POTEF: variants seen among roughly 807,000 people sequenced by gnomAD.
The protein encoded by POTEF is ANKRD26-like family C member 1B.
A neutral mutation model predicts 83.2 loss-of-function variants in POTEF; 20 were observed. The ratio of observed to expected loss-of-function variants is 0.24; its 90% CI spans 0.17 to 0.35. The LOEUF (loss-of-function observed/expected upper bound fraction) is 0.35, where lower values mean the gene tolerates loss of function less well. Ranked by LOEUF, POTEF falls within the 10% of genes least tolerant of loss-of-function variation. The probability of loss-of-function intolerance (pLI) is 1.00; values close to 1 mark genes in which losing one functional copy is unlikely to be tolerated. For synonymous variants in POTEF, 196 were observed against 446.4 expected, an observed-to-expected ratio of 0.44 and a Z score of 7.07; for missense variants, 550 against 1,203.2, an observed-to-expected ratio of 0.46 and a Z score of 8.03.
At chr2:130,095,158 G>T (rs1377871666) in intron 11 of POTEF, among the ~76,000 whole-genome samples, 1 of 85,930 alleles carries the variant, frequency 1.2e-5, no homozygotes, top group African/African-American at 4.5e-5. Context: ...CTCCATAGCA[G>T]CTGGGACTAC....
intron 5 of POTEF, among the ~76,000 whole-genome samples, chr2:130,114,458 T>C (rs1684789168): frequency 6.8e-6 from 1 of 146,004 alleles, no homozygotes; most frequent in South Asian, 2.3e-4. Flanking sequence ...TCACCTCGTA[T>C]CTATTACTGT....
chr2:130,101,659 C>T (rs1684377918), intron 9 of POTEF, among the ~76,000 whole-genome samples: 1 of 146,730 alleles, frequency 6.8e-6, no homozygotes, highest in African/African-American at 2.7e-5. Flanking sequence ...GCTCAGGGAC[C>T]ATCAGAGTTA....
chr2:130,104,471 T>C (rs1170137902), intron 8 of POTEF, among the ~76,000 whole-genome samples: 1 of 149,448 alleles, frequency 6.7e-6, no homozygotes. Context: ...TATTTATATA[T>C]TGCTTTGTTT....
chr2:130,113,332 A>AC (rs1375814306), intron 5 of POTEF, among the ~76,000 whole-genome samples: 1 of 92,864 alleles, frequency 1.1e-5, no homozygotes, highest in African/African-American at 3.7e-5. Flanking sequence ...ACAGAGTGAG[A>AC]CCCCATCTCA....
intron 5 of POTEF, among the ~76,000 whole-genome samples, chr2:130,113,374 G>T (rs1684762595): frequency 7.4e-6 from 1 of 134,292 alleles, no homozygotes; most frequent in Non-Finnish European, 1.6e-5. Flanking sequence ...AATGTTATTG[G>T]AAAGATTTAA....
At position 130,120,268 on chromosome 2, in the gene POTEF, G is replaced by A; in HGVS notation, c.248C>T (p.Ser83Phe). Residue 83 changes from serine to phenylalanine, a missense_variant, in exon 3 of 17, where the codon TCT becomes TTT. Physicochemically the swap from Ser to Phe is radical, Grantham distance 155. Transcript: ENST00000409914. The stretch of plus-strand genomic sequence containing the variant: ...CATAGCAGAGTCGTCGTGGTCTCCA[G>A]AAGCGCCCACGTTGCTCTTGCCACT... ...RGSGKSNVGA[S>F]GDHDDSAMKT... is the part of the protein sequence containing the mutation. The A allele has an allele frequency of 1.2e-6, 2 of 1,604,334 alleles. No individual in the cohort carries two copies. Among genetic ancestry groups the A allele is most frequent in the Non-Finnish European group, 1.7e-6 (2 of 1,177,134 alleles).
rs528277183 is a variant in POTEF, at chr2:130,107,225, C to T, written c.1126+784G>A. Among the ~76,000 whole-genome samples the T allele has an allele frequency of 1.7e-3, 247 of 148,730 alleles. 1 individual carries two copies. Among genetic ancestry groups the T allele is most frequent in the Non-Finnish European group, 3.1e-3 (209 of 67,690 alleles). On this transcript the variant is annotated intron_variant, in intron 8 of 16. Transcript: ENST00000409914. ...GCAAATGGTAGCAGAGCATCTTGTT[C>T]TAACAAAATTACTGTTATGATGACA... is the stretch of plus-strand genomic sequence containing the variant.
Position 130,120,136 on chromosome 2 carries a change from G to T in POTEF, c.380C>A (p.Ala127Asp), listed in dbSNP as rs1332080384. The T allele has an allele frequency of 1.2e-6, 2 of 1,609,488 alleles. No individual in the cohort carries two copies. The highest frequency in any genetic ancestry group is 8.5e-7 in the Non-Finnish European group (1 of 1,179,518). ...GACGTGGTACCTGGGCTCCATGAAG[G>T]CACTGTCATCGTAGTCTCCCCAAGC... ...VGAWGDYDDSAFMEPRYHVRG... is the reference protein window; with the variant it reads ...VGAWGDYDDSDFMEPRYHVRG... The change falls in exon 3 of 17, where the codon GCC becomes GAC. Residue 127 changes from alanine (A) to aspartate (D), a missense_variant. Transcript: ENST00000409914.
intron 3 of POTEF, among the ~76,000 whole-genome samples, chr2:130,119,149 T>C (rs1041618073): frequency 6.6e-6 from 1 of 150,832 alleles, no homozygotes; most frequent in South Asian, 2.1e-4. Context: ...AAGTGATAAA[T>C]AGAAAAAGCT....
rs1198860403 is a variant in POTEF at position 130,111,911 on chromosome 2, T to C, written c.917+84A>G. ...ACTGATCACTACATCCCAGTAAGTA[T>C]ACATTAATCTTATTAATTTAATATT... On this transcript the variant is annotated intron_variant, in intron 6 of 16. Transcript: ENST00000409914. 1.4e-5 allele frequency: 16 copies of C among 1,122,778 alleles called. No individual in the cohort carries two copies. The East Asian group carries it at 1.7e-4, about 12-fold the overall frequency. 69.6% of individuals were successfully genotyped at this position (1,122,778 alleles called of 1,614,324 possible).
In POTEF at chr2:130,108,054, T is replaced by G; in HGVS notation, c.1081A>C (p.Lys361Gln). 5 of 1,604,226 alleles carry G rather than the reference T, an allele frequency of 3.1e-6. No individual in the cohort carries two copies. In the South Asian group the frequency reaches 5.6e-5, roughly 18 times the overall value. The change falls in exon 8 of 17, where the codon AAA (lysine) becomes CAA (glutamine). Residue 361 changes from lysine to glutamine, a missense_variant. Physicochemically the swap from Lys to Gln is moderately conservative, Grantham distance 53. Transcript: ENST00000409914. ...GAGATTTTTAGCATCTGTTTTTCTT[T>G]GTAGTCAGAAAGTAACTGGCAAATT... Reference protein sequence around the residue: ...HVICQLLSDYKEKQMLKISSE... With the variant: ...HVICQLLSDYQEKQMLKISSE...
rs1683782164 is a variant in POTEF, at chr2:130,075,760, A to G, written c.1900-188T>C. Among the ~76,000 whole-genome samples, 3 of 145,144 alleles carry G rather than the reference A, an allele frequency of 2.1e-5. No homozygotes were observed. The South Asian group carries it at 6.7e-4, about 33-fold the overall frequency. On this transcript the variant is annotated intron_variant, in intron 16 of 16. Transcript: ENST00000409914. Reference sequence around the variant, plus strand: ...AAATTCCTCCAGTGATTTATTTTTCATCGTCTTTAAATAAATATTTAAACT... The same window carrying G: ...AAATTCCTCCAGTGATTTATTTTTCGTCGTCTTTAAATAAATATTTAAACT...
intron 12 of POTEF, among the ~76,000 whole-genome samples, chr2:130,090,757 T>C (rs1189199560): frequency 6.6e-5 from 9 of 136,430 alleles, no homozygotes; most frequent in Non-Finnish European, 1.1e-4. Context: ...AAGGCCAACA[T>C]AGTAAAATGA....
chr2:130,100,988 A>G (rs1315380199), intron 9 of POTEF, among the ~76,000 whole-genome samples: 1 of 148,720 alleles, frequency 6.7e-6, no homozygotes, highest in African/African-American at 2.6e-5. Context: ...AATGAAGAAA[A>G]AAAACGTGAA....
chr2:130,106,881 T>C (rs1321045743), intron 8 of POTEF, among the ~76,000 whole-genome samples: 2 of 149,352 alleles, frequency 1.3e-5, no homozygotes, highest in Admixed American at 6.6e-5. Context: ...TAAATAGAAA[T>C]GTTTTCTTTG....
chr2:130,098,992 AT>A lies in POTEF; in HGVS notation c.1409+477del, dbSNP rs1387549846. On this transcript the variant is annotated intron_variant, in intron 11 of 16. Transcript: ENST00000409914. ...AGGAACAGAAGATCAAATGCCACAT[AT>A]TCTTACTCATTACTGGGAACTAAAT... 2.6e-5 allele frequency among the ~76,000 whole-genome samples: 2 copies of A among 77,194 alleles called. 1 individual carries two copies. Among genetic ancestry groups the A allele is most frequent in the Non-Finnish European group, 4.9e-5 (2 of 40,830 alleles). 50.6% of individuals were successfully genotyped at this position (77,194 alleles called of 152,430 possible).
chr2:130,119,115 G>A (rs1684926473), intron 3 of POTEF, among the ~76,000 whole-genome samples: 1 of 150,524 alleles, frequency 6.6e-6, no homozygotes. Context: ...CTAAAACTTT[G>A]CTATTTTTAT....
chr2:130,075,521 A>G lies in POTEF; in HGVS notation c.1951T>C (p.Leu651=). The G allele has an allele frequency of 6.2e-7, 1 of 1,611,166 alleles. No homozygotes were observed. The highest frequency in any genetic ancestry group is 1.3e-5 in the African/African-American group (1 of 74,508). ...CTTAGCATGGCAATTTCTTCCCGCA[A>G]CGTACTATTTTCATGCAAGATGTCT... ...EKDILHENST[L]REEIAMLRLE... is the part of the protein sequence containing the mutation. The change falls in exon 17 of 17, where the codon TTG becomes CTG. Residue 651 remains leucine, a synonymous_variant. Coordinates refer to ENST00000409914, the MANE Select transcript of POTEF (RefSeq NM_001099771.2).
intron 3 of POTEF, among the ~76,000 whole-genome samples, chr2:130,117,990 G>T (rs1431136916): frequency 6.6e-6 from 1 of 150,574 alleles, no homozygotes; most frequent in East Asian, 2.0e-4. Context: ...ACCCAGGCTG[G>T]AATGTAGTGG....
Sources: gnomAD v4.1 joint callset for allele counts (sites outside exome capture counted in the v4.1 genomes callset) on GRCh38, gnomAD v4.1.1 for gene constraint, MANE v1.5 for transcripts, NCBI Gene and HGNC (gene_info 2026-07-23, HGNC 2026-07-21) for gene names.